PRELID2: variants seen among roughly 807,000 people sequenced by gnomAD.
PRELID2 encodes the protein PRELI domain containing 2, also known as PRELI domain-containing protein 2.
In PRELID2, 25 loss-of-function variants were observed where a neutral mutation model predicts 28.4. The observed-to-expected ratio is 0.88, with a 90% CI of 0.64 to 1.23. PRELID2 has a LOEUF of 1.23. PRELID2 is among the 50% of genes most tolerant of loss of function. The probability of loss-of-function intolerance (pLI) is 0.00; values close to 1 mark genes in which losing one functional copy is unlikely to be tolerated. For missense variants in PRELID2, 201 were observed against 214.4 expected (o/e 0.94, Z 0.39); for synonymous variants, 76 against 71.6 (o/e 1.06, Z -0.31).
intron 1 of PRELID2, among the ~76,000 whole-genome samples, chr5:145,684,437 G>GA (rs113524020): frequency 0.022 from 3,412 of 151,984 alleles, 132 homozygotes; most frequent in African/African-American, 0.077. Context: ...GGAGAGAAAG[G>GA]AAAAAAACCC....
the PRELID2 span, among the ~76,000 whole-genome samples, chr5:145,249,170 A>C: frequency 8.5e-3 from 1,302 of 152,290 alleles, 10 homozygotes; most frequent in Non-Finnish European, 0.014. Context: ...GAAACTTAGA[A>C]TTCTCATGTC....
chr5:145,240,696 C>A, the PRELID2 span, among the ~76,000 whole-genome samples: 3 of 152,086 alleles, frequency 2.0e-5, no homozygotes, highest in African/African-American at 7.2e-5. Flanking sequence ...GGCCAAAGGG[C>A]AAATCCCATT....
the PRELID2 span, among the ~76,000 whole-genome samples, chr5:145,264,789 C>T: frequency 6.6e-6 from 1 of 151,790 alleles, no homozygotes; most frequent in African/African-American, 2.4e-5. Context: ...GCTTAGCCAA[C>T]ATGGTGAAAC....
intron 1 of PRELID2, among the ~76,000 whole-genome samples, chr5:145,535,146 A>T (rs1307340908): frequency 6.6e-6 from 1 of 151,968 alleles, no homozygotes; most frequent in African/African-American, 2.4e-5. Context: ...CTTTAGATGC[A>T]ATTGATTAAA....
At chr5:145,510,718 C>A (rs1410725789) in intron 1 of PRELID2, among the ~76,000 whole-genome samples, 2 of 152,190 alleles carry the variant, frequency 1.3e-5, no homozygotes, top group Non-Finnish European at 2.9e-5. Context: ...TATCTTTTTG[C>A]TCCCCACTAC....
the PRELID2 span, among the ~76,000 whole-genome samples, chr5:145,428,767 T>C: frequency 6.6e-6 from 1 of 152,142 alleles, no homozygotes; most frequent in South Asian, 2.1e-4. Context: ...TCCTTATTGG[T>C]ATGAAGAAGT....
the PRELID2 span, among the ~76,000 whole-genome samples, chr5:145,306,260 C>T: frequency 2.6e-5 from 4 of 152,222 alleles, no homozygotes; most frequent in Admixed American, 2.0e-4. Flanking sequence ...CGGAATATAA[C>T]TTATGTGAAG....
At chr5:145,501,209 C>T (rs773419828) in intron 1 of PRELID2, among the ~76,000 whole-genome samples, 2 of 152,132 alleles carry the variant, frequency 1.3e-5, no homozygotes, top group Non-Finnish European at 2.9e-5. Flanking sequence ...GAATTCTGAC[C>T]TCAACTAGCT....
At chr5:145,597,325 T>C (rs981557779) in intron 1 of PRELID2, among the ~76,000 whole-genome samples, 2 of 152,276 alleles carry the variant, frequency 1.3e-5, no homozygotes, top group East Asian at 3.9e-4. Context: ...GTCTTACCTA[T>C]CTGTAGACTT....
At chr5:145,710,738 C>T (rs1301593332) in intron 1 of PRELID2, among the ~76,000 whole-genome samples, 1 of 152,200 alleles carries the variant, frequency 6.6e-6, no homozygotes, top group African/African-American at 2.4e-5. Flanking sequence ...GAGGCTCACG[C>T]CATTTCATCT....
At chr5:145,537,482 TG>T (rs1444430318) in intron 1 of PRELID2, among the ~76,000 whole-genome samples, 1 of 151,894 alleles carries the variant, frequency 6.6e-6, no homozygotes, top group Non-Finnish European at 1.5e-5. Flanking sequence ...CAGCAACACT[TG>T]TTTTCTTCTG....
intron 1 of PRELID2, among the ~76,000 whole-genome samples, chr5:145,699,674 T>A (rs891316208): frequency 6.6e-6 from 1 of 152,186 alleles, no homozygotes; most frequent in African/African-American, 2.4e-5. Flanking sequence ...GATTTTGCTT[T>A]AAGATTTCCA....
chr5:145,433,858 G>A, the PRELID2 span, among the ~76,000 whole-genome samples: 6 of 152,178 alleles, frequency 3.9e-5, no homozygotes, highest in Admixed American at 1.3e-4. Flanking sequence ...TCATTTTTAC[G>A]ATTGCAATTT....
chr5:145,637,628 T>C (rs1005298027), intron 1 of PRELID2, among the ~76,000 whole-genome samples: 2 of 152,152 alleles, frequency 1.3e-5, no homozygotes, highest in East Asian at 3.9e-4. Context: ...AAAACCAGTA[T>C]AAGAAGAAGG....
At chr5:145,576,374 C>T (rs545023180) in intron 1 of PRELID2, among the ~76,000 whole-genome samples, 13 of 152,198 alleles carry the variant, frequency 8.5e-5, no homozygotes, top group South Asian at 4.1e-4. Flanking sequence ...ATACAACATG[C>T]GGTCTTTTGT....
At chr5:145,542,910 C>CA (rs1752756969) in intron 1 of PRELID2, among the ~76,000 whole-genome samples, 1 of 151,982 alleles carries the variant, frequency 6.6e-6, no homozygotes, top group Non-Finnish European at 1.5e-5. Context: ...AGATTAAGAA[C>CA]AAAGATCTCT....
downstream of PRELID2, among the ~76,000 whole-genome samples, chr5:145,468,505 A>G (rs1752023498): frequency 6.6e-6 from 1 of 152,112 alleles, no homozygotes; most frequent in Admixed American, 6.6e-5. Context: ...GTTTTCCACA[A>G]TGGTTGATCT....
chr5:145,539,625 A>C (rs1026830546), intron 1 of PRELID2, among the ~76,000 whole-genome samples: 1 of 151,994 alleles, frequency 6.6e-6, no homozygotes, highest in African/African-American at 2.4e-5. Context: ...GCACAAATAC[A>C]TTATAAAAAT....
chr5:145,256,984 T>A, the PRELID2 span, among the ~76,000 whole-genome samples: 1 of 151,930 alleles, frequency 6.6e-6, no homozygotes, highest in Non-Finnish European at 1.5e-5. Flanking sequence ...GAAGTGTTTT[T>A]AAAAAGTTTC....
Sources: gnomAD v4.1 joint callset for allele counts (sites outside exome capture counted in the v4.1 genomes callset) on GRCh38, gnomAD v4.1.1 for gene constraint, MANE v1.5 for transcripts, NCBI Gene and HGNC (gene_info 2026-07-23, HGNC 2026-07-21) for gene names.